FAM20A: variants seen among roughly 807,000 people sequenced by gnomAD.
FAM20A encodes FAM20A golgi associated secretory pathway pseudokinase, also known as pseudokinase FAM20A.
Under a neutral mutation model 52.0 loss-of-function variants are expected in FAM20A, and 42 were observed. That is an observed-to-expected ratio of 0.81 (90% CI 0.63 to 1.04). The LOEUF (loss-of-function observed/expected upper bound fraction) is 1.04, where lower values mean the gene tolerates loss of function less well. Ranked by LOEUF, FAM20A falls within the 50% of genes least tolerant of loss-of-function variation. The pLI is 0.00. For synonymous variants in FAM20A, 304 were observed against 298.9 expected, an observed-to-expected ratio of 1.02 and a Z score of -0.18; for missense variants, 742 against 712.7, an observed-to-expected ratio of 1.04 and a Z score of -0.47.
chr17:68,598,903 A>G (rs905718483), intron 1 of FAM20A, among the ~76,000 whole-genome samples: 4 of 152,228 alleles, frequency 2.6e-5, no homozygotes, highest in African/African-American at 9.7e-5. Context: ...ACTAAGCCAG[A>G]CTTCCATGTT....
At chr17:68,591,333 T>G (rs1157941040) in intron 1 of FAM20A, among the ~76,000 whole-genome samples, 1 of 152,152 alleles carries the variant, frequency 6.6e-6, no homozygotes, top group Non-Finnish European at 1.5e-5. Context: ...TCTCTTGACC[T>G]CGTGATCCGC....
intron 1 of FAM20A, among the ~76,000 whole-genome samples, chr17:68,583,866 A>G (rs896609777): frequency 6.6e-6 from 1 of 151,458 alleles, no homozygotes; most frequent in African/African-American, 2.4e-5. Flanking sequence ...AGCCTGGGTG[A>G]CAGAGTGAGA....
At chr17:68,575,366 G>A (rs1050222509) in intron 1 of FAM20A, among the ~76,000 whole-genome samples, 4 of 136,828 alleles carry the variant, frequency 2.9e-5, no homozygotes, top group Admixed American at 1.7e-4. Context: ...GGCCAACACA[G>A]GTTCACTTTA....
chr17:68,597,193 TTTC>T, intron 1 of FAM20A, among the ~76,000 whole-genome samples: 1 of 150,724 alleles, frequency 6.6e-6, no homozygotes, highest in East Asian at 1.9e-4. Flanking sequence ...CTTCATACCA[TTTC>T]TTATTAGTAT....
chr17:68,574,091 G>A (rs985401625), intron 1 of FAM20A, among the ~76,000 whole-genome samples: 1 of 151,778 alleles, frequency 6.6e-6, no homozygotes, highest in Admixed American at 6.6e-5. Flanking sequence ...TTGAGACAGG[G>A]TCTCACTCTG....
chr17:68,553,700 G>C (rs1054572444), intron 3 of FAM20A, among the ~76,000 whole-genome samples: 1 of 151,786 alleles, frequency 6.6e-6, no homozygotes, highest in Non-Finnish European at 1.5e-5. Flanking sequence ...GGCTAGGCAG[G>C]AGCACTTTTT....
chr17:68,600,656 A>G lies in FAM20A; in HGVS notation c.11T>C (p.Leu4Pro), dbSNP rs1336339579. 1.3e-6 allele frequency: 2 copies of G among 1,546,898 alleles called. No homozygotes were observed. Among genetic ancestry groups the G allele is most frequent in the Admixed American group, 3.9e-5 (2 of 51,906 alleles). MPG[L>P]RRDRLLTLLL... ...CAGAGTCAGTAGGCGGTCCCGGCGC[A>G]GCCCCGGCATGGCGTGCTGGCCAAG... Residue 4 changes from leucine to proline, a missense_variant, in exon 1 of 11, where the codon CTG becomes CCG. Coordinates refer to ENST00000592554, the MANE Select transcript of FAM20A (RefSeq NM_017565.4). The surrounding 1 kb of genome is among the most constrained non-coding windows in gnomAD (Gnocchi z 6.2).
At chr17:68,577,171 CA>C (rs2087795704) in intron 1 of FAM20A, among the ~76,000 whole-genome samples, 1 of 152,234 alleles carries the variant, frequency 6.6e-6, no homozygotes, top group African/African-American at 2.4e-5. Flanking sequence ...TGCAGAAAGA[CA>C]GTCAAGGCTT....
intron 4 of FAM20A, among the ~76,000 whole-genome samples, chr17:68,544,062 A>C (rs949199259): frequency 6.6e-6 from 1 of 152,190 alleles, no homozygotes; most frequent in Non-Finnish European, 1.5e-5. Flanking sequence ...TAAACAGAAG[A>C]GAGGGGAATG....
At position 68,594,693 on chromosome 17, in the gene FAM20A, T is replaced by A. The variant is rs180776749; in HGVS notation, c.404+5570A>T. ...AGGACTGTAGTCCCTGTTTCCTTGC[T>A]GGCTGTCAGCTGGGGCTAATCTTAG... On this transcript the variant is annotated intron_variant, in intron 1 of 10. Transcript: ENST00000592554. Among the ~76,000 whole-genome samples the A allele has an allele frequency of 1.7e-4, 26 of 152,368 alleles. 1 individual carries two copies. In the East Asian group the frequency reaches 4.4e-3, roughly 26 times the overall value.
chr17:68,545,612 T>C (rs1013639154), intron 4 of FAM20A, among the ~76,000 whole-genome samples: 1 of 152,302 alleles, frequency 6.6e-6, no homozygotes, highest in African/African-American at 2.4e-5. Flanking sequence ...GTGGCAACTT[T>C]TAAAAATAAG....
At chr17:68,549,385 T>C (rs2143626121) in intron 4 of FAM20A, among the ~76,000 whole-genome samples, 1 of 152,036 alleles carries the variant, frequency 6.6e-6, no homozygotes, top group Non-Finnish European at 1.5e-5. Context: ...TCCCAGCTAC[T>C]TGGGAGGCTG....
chr17:68,550,183 A>T (rs918671235), intron 4 of FAM20A, among the ~76,000 whole-genome samples: 1 of 152,104 alleles, frequency 6.6e-6, no homozygotes, highest in Admixed American at 6.5e-5. Context: ...AATTTTTGAC[A>T]AGTAAAATCT....
chr17:68,543,554 G>T, intron 5 of FAM20A, 75 bp downstream of exon 5: 1 of 1,304,452 alleles, frequency 7.7e-7, no homozygotes, highest in Non-Finnish European at 1.1e-6. Context: ...TTCCCACCTT[G>T]AGGGTCTGTC....
rs550765568 is a variant in FAM20A, at chr17:68,599,617, A to G, written c.404+646T>C. 2.6e-5 allele frequency among the ~76,000 whole-genome samples: 4 copies of G among 152,278 alleles called. No homozygotes were observed. The East Asian group carries it at 7.7e-4, about 29-fold the overall frequency. ...GATAAAAGTGCCTTCAAGTTCTAAT[A>G]CTTGCTGGATGGGCCCAAGCCGCGT... On this transcript the variant is annotated intron_variant, in intron 1 of 10. Coordinates refer to ENST00000592554, the MANE Select transcript of FAM20A (RefSeq NM_017565.4).
intron 1 of FAM20A, among the ~76,000 whole-genome samples, chr17:68,581,364 TTCTTTC>T (rs747016232): frequency 1.6e-3 from 218 of 135,354 alleles, no homozygotes; most frequent in Non-Finnish European, 2.2e-3. Context: ...CTTTCTTTCT[TTCTTTC>T]TTTCTTTCTT....
chr17:68,592,325 C>G (rs2088337222), intron 1 of FAM20A, among the ~76,000 whole-genome samples: 1 of 152,212 alleles, frequency 6.6e-6, no homozygotes, highest in Non-Finnish European at 1.5e-5. Flanking sequence ...GGCAGATAGA[C>G]ATACTTTCCC....
Position 68,551,763 on chromosome 17 carries a change from A to G in FAM20A, c.719+110T>C. ...GTTCTGTGCTTGGGCAGATTAGAGA[A>G]TCTCTGAATAACTGGCAGAAAGACT... is the stretch of plus-strand genomic sequence containing the variant. On this transcript the variant is annotated intron_variant, in intron 4 of 10. Coordinates refer to ENST00000592554, the MANE Select transcript of FAM20A (RefSeq NM_017565.4). The G allele has an allele frequency of 5.8e-6, 4 of 693,188 alleles. No homozygotes were observed. The South Asian group carries it at 6.0e-5, about 10-fold the overall frequency. The allele number at this position is 693,188 out of a possible 1,614,324, so 42.9% of individuals were successfully genotyped here.
At position 68,600,103 on chromosome 17, in the gene FAM20A, G is replaced by C. The variant is rs923143473; in HGVS notation, c.404+160C>G. ...CTGTGAGGTCTGCAACAGCTGGTGGGGTTCGGGTGGGGAACACACTCTAAG... is the reference window on the plus strand; with the variant it reads ...CTGTGAGGTCTGCAACAGCTGGTGGCGTTCGGGTGGGGAACACACTCTAAG... On this transcript the variant is annotated intron_variant, in intron 1 of 10. Coordinates refer to ENST00000592554, the MANE Select transcript of FAM20A (RefSeq NM_017565.4). This position sits in a 1 kb window ranked among gnomAD's most constrained non-coding sequence, Gnocchi z 6.2. Among the ~76,000 whole-genome samples, 2 of 152,208 alleles carry C rather than the reference G, an allele frequency of 1.3e-5. No individual in the cohort carries two copies. The highest frequency in any genetic ancestry group is 4.8e-5 in the African/African-American group (2 of 41,456).
Sources: allele counts gnomAD v4.1 joint callset (sites outside exome capture counted in the v4.1 genomes callset), GRCh38; gene constraint gnomAD v4.1.1; non-coding constraint Gnocchi (gnomAD v3.1); transcripts MANE v1.5; gene names NCBI Gene and HGNC (gene_info 2026-07-23, HGNC 2026-07-21).